SPAG9: variants seen among roughly 807,000 people sequenced by gnomAD.
SPAG9 encodes the protein sperm associated antigen 9, also known as C-Jun-amino-terminal kinase-interacting protein 4.
In SPAG9, 35 loss-of-function variants were observed where a neutral mutation model predicts 166.5. That is an observed-to-expected ratio of 0.21 (90% confidence interval 0.16 to 0.28). The LOEUF (loss-of-function observed/expected upper bound fraction) is 0.28, where lower values mean the gene tolerates loss of function less well. Ranked by LOEUF, SPAG9 falls within the 10% of genes least tolerant of loss-of-function variation. The pLI is 1.00. For missense variants in SPAG9, 1,235 were observed against 1,603.3 expected (o/e 0.77, Z 3.92); for synonymous variants, 534 against 565.5 (o/e 0.94, Z 0.79).
chr17:51,108,714 C>T (rs1428913686), intron 1 of SPAG9, among the ~76,000 whole-genome samples: 1 of 152,110 alleles, frequency 6.6e-6, no homozygotes, highest in Non-Finnish European at 1.5e-5. Flanking sequence ...CCAGGCTGTT[C>T]TGGAACTCTG....
chr17:51,071,991 C>T (rs1051442795), intron 2 of SPAG9, among the ~76,000 whole-genome samples: 1 of 152,162 alleles, frequency 6.6e-6, no homozygotes, highest in African/African-American at 2.4e-5. Flanking sequence ...ACAGGTACTG[C>T]GAACAGTCAT....
In SPAG9 at chr17:51,047,462, T is replaced by C; in HGVS notation, c.503A>G (p.His168Arg). Residue 168 changes from histidine (H) to arginine (R), a missense_variant, in exon 4 of 30, where the codon CAT (histidine) becomes CGT (arginine). Physicochemically the swap from His to Arg is conservative, Grantham distance 29. Around this residue, in one of 6 missense-constraint regions of SPAG9, gnomAD observed 288 missense variants for 323.7 expected, o/e 0.89. Coordinates refer to ENST00000262013, the MANE Select transcript of SPAG9 (RefSeq NM_001130528.3). ...ALHQRHTEMI[H>R]NYMEHLERTK... ...TCTTTCTAAATGTTCCATATAATTA[T>C]GGATCATCTATTTTAAAGAAAGAAA... The C allele has an allele frequency of 1.3e-6, 2 of 1,503,848 alleles. No homozygotes were observed. Among genetic ancestry groups the C allele is most frequent in the Non-Finnish European group, 1.8e-6 (2 of 1,102,228 alleles). The allele number at this position is 1,503,848 out of a possible 1,614,324, so 93.2% of individuals were successfully genotyped here. A position where few individuals can be genotyped will look rare whatever the true frequency, so the allele number is the denominator to read the frequency against.
intron 4 of SPAG9, among the ~76,000 whole-genome samples, chr17:51,042,372 A>G (rs1233370172): frequency 6.6e-6 from 1 of 152,234 alleles, no homozygotes; most frequent in African/African-American, 2.4e-5. Flanking sequence ...TTTTAATACT[A>G]ACAGAATTTC....
intron 2 of SPAG9, among the ~76,000 whole-genome samples, chr17:51,061,257 A>G (rs998872978): frequency 6.6e-6 from 1 of 152,134 alleles, no homozygotes; most frequent in African/African-American, 2.4e-5. Context: ...GTCCTGACTG[A>G]TTTTATGCCA....
At chr17:51,066,312 T>C (rs947751290) in intron 2 of SPAG9, among the ~76,000 whole-genome samples, 1 of 152,060 alleles carries the variant, frequency 6.6e-6, no homozygotes, top group Non-Finnish European at 1.5e-5. Context: ...GGTCTCACTA[T>C]GTTGCCCAGG....
intron 9 of SPAG9, among the ~76,000 whole-genome samples, chr17:51,011,629 C>T (rs935657459): frequency 1.3e-5 from 2 of 152,084 alleles, no homozygotes; most frequent in Admixed American, 1.3e-4. Flanking sequence ...GTGATCTGCC[C>T]ACCTCGGTCT....
intron 22 of SPAG9, among the ~76,000 whole-genome samples, chr17:50,986,392 A>G (rs1975051539): frequency 6.6e-6 from 1 of 152,230 alleles, no homozygotes; most frequent in South Asian, 2.1e-4. Flanking sequence ...CAGGTTGAGT[A>G]ACCCTTATTT....
chr17:51,110,519 G>A (rs1034198814), intron 1 of SPAG9, among the ~76,000 whole-genome samples: 11 of 151,552 alleles, frequency 7.3e-5, no homozygotes, highest in Non-Finnish European at 1.3e-4. Context: ...GGTGAAACCC[G>A]TCTTTACAAA....
At chr17:51,003,342 A>C (rs572786481) in intron 12 of SPAG9, among the ~76,000 whole-genome samples, 1 of 152,328 alleles carries the variant, frequency 6.6e-6, no homozygotes, top group African/African-American at 2.4e-5. Flanking sequence ...CACTATTGTA[A>C]GTTTCACCTA....
At chr17:50,979,967 A>T in intron 25 of SPAG9, 50 bp from the exon 26 acceptor site, 1 of 1,574,794 alleles carries the variant, frequency 6.4e-7, no homozygotes, top group South Asian at 1.1e-5. Context: ...ATAGAATTTC[A>T]TATTTAAAAC....
rs1973215777 is a variant in SPAG9 at position 50,963,570 on chromosome 17, T to C, written c.*2702A>G. The C allele has an allele frequency of 6.6e-6, 1 of 152,210 alleles. No individual in the cohort carries two copies. The highest frequency in any genetic ancestry group is 2.4e-5 in the African/African-American group (1 of 41,452). The allele number at this position is 152,210 out of a possible 1,614,324, so 9.4% of individuals were successfully genotyped here. A position where few individuals can be genotyped will look rare whatever the true frequency, so the allele number is the denominator to read the frequency against. ...TAAAACAACTACACACCTATATTAC[T>C]TAAGTTAAAGCCAGTAAGTTCAAAA... is the stretch of plus-strand genomic sequence containing the variant. On this transcript the variant is annotated 3_prime_UTR_variant, in exon 30 of 30. Transcript: ENST00000262013.
In SPAG9 at chr17:50,988,493, A is replaced by G. The variant is rs1597919483; in HGVS notation, c.2813+1184T>C. ...GGCAGGAAAGAAAATAAAATAATTC[A>G]CTAAATGGGCCTAGATTAACCAACC... On this transcript the variant is annotated intron_variant, in intron 21 of 29. Coordinates refer to ENST00000262013, the MANE Select transcript of SPAG9 (RefSeq NM_001130528.3). Among the ~76,000 whole-genome samples, 5 of 152,224 alleles carry G rather than the reference A, an allele frequency of 3.3e-5. No homozygotes were observed. In the South Asian group the frequency reaches 1.0e-3, roughly 32 times the overall value.
intron 13 of SPAG9, 54 bp from the exon 14 acceptor site, chr17:50,999,771 T>A: frequency 4.0e-6 from 6 of 1,499,382 alleles, no homozygotes; most frequent in Non-Finnish European, 5.5e-6. Context: ...ATTCTACCTT[T>A]CTTTCTGAAG....
rs1262474898 is a variant in SPAG9, at chr17:50,981,523, TAGATAGAA to T, written c.3237+993_3237+1000del. On this transcript the variant is annotated intron_variant, in intron 25 of 29. Transcript: ENST00000262013. ...ATAGATAGATAGATAGATAGATAGATAGATAGAAAGAAAGAAAGAAAGAATAGATAGAT... is the reference window on the plus strand; with the variant it reads ...ATAGATAGATAGATAGATAGATAGATAGAAAGAAAGAAAGAATAGATAGAT... Among the ~76,000 whole-genome samples the T allele has an allele frequency of 1.1e-3, 128 of 118,854 alleles. 1 individual carries two copies. The highest frequency in any genetic ancestry group is 3.9e-3 in the Middle Eastern group (1 of 254). 78.0% of individuals were successfully genotyped at this position (118,854 alleles called of 152,430 possible).
At chr17:51,077,577 T>C (rs781230431) in intron 2 of SPAG9, among the ~76,000 whole-genome samples, 9 of 152,188 alleles carry the variant, frequency 5.9e-5, no homozygotes, top group Non-Finnish European at 1.2e-4. Context: ...ATAGTATTCA[T>C]AGTAATGTGA....
intron 1 of SPAG9, among the ~76,000 whole-genome samples, chr17:51,113,768 G>A (rs1269937645): frequency 1.3e-5 from 2 of 151,326 alleles, no homozygotes; most frequent in African/African-American, 4.9e-5. Flanking sequence ...AGGCTGAGGT[G>A]CGAGGAATGT....
chr17:51,076,394 TAGAC>T (rs1313711473), intron 2 of SPAG9, among the ~76,000 whole-genome samples: 2 of 151,560 alleles, frequency 1.3e-5, no homozygotes, highest in Non-Finnish European at 2.9e-5. Flanking sequence ...CTGCACACGT[TAGAC>T]AGAGTGAGAT....
chr17:51,031,914 T>A (rs994475801), intron 5 of SPAG9, 192 bp from the exon 6 acceptor site: 1 of 678,798 alleles, frequency 1.5e-6, no homozygotes, highest in South Asian at 1.5e-5. Context: ...TTAAGTAATA[T>A]CATGGTTCAG....
chr17:51,008,326 A>C (rs1214464819), intron 9 of SPAG9, among the ~76,000 whole-genome samples: 1 of 152,170 alleles, frequency 6.6e-6, no homozygotes, highest in Non-Finnish European at 1.5e-5. Flanking sequence ...GAAACTGAAG[A>C]AATGAAATAA....
Sources: gnomAD v4.1 joint callset for allele counts (sites outside exome capture counted in the v4.1 genomes callset) on GRCh38, gnomAD v4.1.1 for gene constraint, gnomAD v4.1.1 regional missense constraint, MANE v1.5 for transcripts, NCBI Gene and HGNC (gene_info 2026-07-23, HGNC 2026-07-21) for gene names.